The following UBE2L3 variants were observed in gnomAD, a reference collection of about 807,000 sequenced individuals.
UBE2L3 encodes ubiquitin-conjugating enzyme E2 L3.
In UBE2L3, 1 loss-of-function variant was observed where a neutral mutation model predicts 17.8. The ratio of observed to expected loss-of-function variants is 0.06; its 90% CI spans 0.02 to 0.27. The LOEUF (loss-of-function observed/expected upper bound fraction) is 0.27, where lower values mean the gene tolerates loss of function less well. Ranked by LOEUF, UBE2L3 falls within the 10% of genes least tolerant of loss-of-function variation. UBE2L3 has a pLI of 1.00. For synonymous variants in UBE2L3, 44 were observed against 68.5 expected (o/e 0.64, Z 1.76); for missense variants, 40 against 192.6 (o/e 0.21, Z 4.69).
chr22:21,605,507 T>G (rs1438592598), intron 2 of UBE2L3, among the ~76,000 whole-genome samples: 1 of 152,108 alleles, frequency 6.6e-6, no homozygotes, highest in Non-Finnish European at 1.5e-5. Context: ...TTTTTTTTCT[T>G]TTTCTTTTTC....
chr22:21,594,976 T>TA (rs1308357029), intron 2 of UBE2L3, among the ~76,000 whole-genome samples: 2 of 152,256 alleles, frequency 1.3e-5, no homozygotes, highest in Non-Finnish European at 2.9e-5. Context: ...GAGAGCCTGC[T>TA]AGCCAGCTCC....
In UBE2L3 at chr22:21,580,418, G is replaced by A. The variant is rs138682668; in HGVS notation, c.28-12443G>A. 3.4e-3 allele frequency among the ~76,000 whole-genome samples: 520 copies of A among 152,160 alleles called. 5 individuals carry two copies. The highest frequency in any genetic ancestry group is 0.012 in the African/African-American group (489 of 41,530). Reference sequence around the variant, plus strand: ...CTTTCCCAGCATCTCTTTGTTTTCTGTTCTTGTTGGAATTACTCTTTTCTT... The same window carrying A: ...CTTTCCCAGCATCTCTTTGTTTTCTATTCTTGTTGGAATTACTCTTTTCTT... On this transcript the variant is annotated intron_variant, in intron 1 of 3. Transcript: ENST00000342192.
upstream of UBE2L3, among the ~76,000 whole-genome samples, chr22:21,564,678 C>A (rs1231271253): frequency 3.3e-5 from 5 of 152,214 alleles, no homozygotes; most frequent in African/African-American, 9.6e-5. Flanking sequence ...ACTCTGTATT[C>A]TCAGCTTAGC....
At chr22:21,612,559 T>C (rs1214974123) in intron 3 of UBE2L3, among the ~76,000 whole-genome samples, 2 of 147,404 alleles carry the variant, frequency 1.4e-5, no homozygotes, top group East Asian at 3.9e-4. Flanking sequence ...TCTCCTGACC[T>C]CGTGATCCGC....
intron 1 of UBE2L3, among the ~76,000 whole-genome samples, chr22:21,557,309 G>A (rs1178889354): frequency 3.5e-4 from 54 of 152,232 alleles, no homozygotes; most frequent in Non-Finnish European, 7.3e-5. Flanking sequence ...AGAGGTTACA[G>A]TGGACTGAGA....
chr22:21,557,010 C>T (rs558318853), intron 1 of UBE2L3, among the ~76,000 whole-genome samples: 38 of 152,120 alleles, frequency 2.5e-4, no homozygotes, highest in Middle Eastern at 3.4e-3. Context: ...GCTGAGATCA[C>T]GCCATTGCAC....
intron 1 of UBE2L3, among the ~76,000 whole-genome samples, chr22:21,559,285 T>C (rs1601382723): frequency 6.6e-6 from 1 of 151,618 alleles, no homozygotes; most frequent in Non-Finnish European, 1.5e-5. Context: ...GAAGTGGAGG[T>C]TACAGTGAGC....
intron 2 of UBE2L3, 61 bp from the exon 3 acceptor site, chr22:21,610,796 C>A: frequency 7.0e-7 from 1 of 1,435,494 alleles, no homozygotes; most frequent in Non-Finnish European, 9.2e-7. Flanking sequence ...TAAAACATTC[C>A]TGTCTTGGCC....
chr22:21,582,943 G>A (rs1003078879), intron 1 of UBE2L3, among the ~76,000 whole-genome samples: 6 of 152,204 alleles, frequency 3.9e-5, no homozygotes, highest in African/African-American at 1.2e-4. Context: ...GTCCTAGATG[G>A]CGCCTAGGCA....
At chr22:21,564,318 G>A (rs1926558940), upstream of UBE2L3, among the ~76,000 whole-genome samples, 2 of 152,174 alleles carry the variant, frequency 1.3e-5, no homozygotes, top group South Asian at 4.1e-4. Context: ...ACAGGCATGA[G>A]TCACCACAAG....
chr22:21,587,475 C>T (rs1336302066), intron 1 of UBE2L3, among the ~76,000 whole-genome samples: 2 of 152,138 alleles, frequency 1.3e-5, no homozygotes, highest in Non-Finnish European at 2.9e-5. Context: ...CACCGCGCCT[C>T]GCCTAGATTT....
intron 2 of UBE2L3, among the ~76,000 whole-genome samples, chr22:21,596,665 T>G (rs764790847): frequency 5.9e-5 from 9 of 152,012 alleles, no homozygotes; most frequent in African/African-American, 4.8e-5. Flanking sequence ...TTTTGTACTT[T>G]TAGTAGAGAC....
At chr22:21,558,871 T>C (rs10211985) in intron 1 of UBE2L3, among the ~76,000 whole-genome samples, 22,010 of 145,222 alleles carry the variant, frequency 0.15, 408 homozygotes, top group East Asian at 0.34. Context: ...GCCTGGCACA[T>C]GATAGGTGCT....
At chr22:21,602,288 C>G (rs1405293946) in intron 2 of UBE2L3, among the ~76,000 whole-genome samples, 1 of 152,188 alleles carries the variant, frequency 6.6e-6, no homozygotes, top group African/African-American at 2.4e-5. Context: ...AAACTAGGAT[C>G]CAGCTCTTCA....
chr22:21,570,597 C>T (rs149870675), intron 1 of UBE2L3, among the ~76,000 whole-genome samples: 6 of 152,182 alleles, frequency 3.9e-5, no homozygotes, highest in South Asian at 2.1e-4. Flanking sequence ...CTGCATGGAG[C>T]GGTGTGTTGT....
At position 21,579,374 on chromosome 22, in the gene UBE2L3, T is replaced by A. The variant is rs554113486; in HGVS notation, c.27+11603T>A. ...CTATGGAAGGGATGATGTCTTGGCA[T>A]GGGTCCTGCCCCCTTAGCTAAATGT... On this transcript the variant is annotated intron_variant, in intron 1 of 3. Coordinates refer to ENST00000342192, the MANE Select transcript of UBE2L3 (RefSeq NM_003347.4). Among the ~76,000 whole-genome samples, 19 of 152,310 alleles carry A rather than the reference T, an allele frequency of 1.2e-4. 1 individual carries two copies. In the South Asian group the frequency reaches 3.9e-3, roughly 32 times the overall value.
intron 1 of UBE2L3, 48 bp downstream of exon 1, chr22:21,567,819 G>T: frequency 6.4e-7 from 1 of 1,564,274 alleles, no homozygotes; most frequent in Non-Finnish European, 8.7e-7. Context: ...GGCGTCCTAG[G>T]CTCCGGATCC....
At chr22:21,611,688 G>C (rs948473075) in intron 3 of UBE2L3, among the ~76,000 whole-genome samples, 10 of 152,184 alleles carry the variant, frequency 6.6e-5, no homozygotes, top group African/African-American at 2.4e-4. Flanking sequence ...GAATATTTGA[G>C]TCAGTATTGT....
chr22:21,608,040 G>T (rs1929268539), intron 2 of UBE2L3, among the ~76,000 whole-genome samples: 1 of 152,160 alleles, frequency 6.6e-6, no homozygotes, highest in Non-Finnish European at 1.5e-5. Flanking sequence ...ATAAAGGACT[G>T]TCTAAAGGAC....
Sources: allele counts gnomAD v4.1 joint callset (sites outside exome capture counted in the v4.1 genomes callset), GRCh38; gene constraint gnomAD v4.1.1; transcripts MANE v1.5; gene names NCBI Gene and HGNC (gene_info 2026-07-23, HGNC 2026-07-21).